NFKBIE: variants seen among roughly 807,000 people sequenced by gnomAD.
The protein encoded by NFKBIE is NFKB inhibitor epsilon, also known as NF-kappa-B inhibitor epsilon.
A neutral mutation model predicts 31.6 loss-of-function variants in NFKBIE; 11 were observed. The ratio of observed to expected loss-of-function variants is 0.35; its 90% CI spans 0.22 to 0.58. The LOEUF (loss-of-function observed/expected upper bound fraction) is 0.58, where lower values mean the gene tolerates loss of function less well. Ranked by LOEUF, NFKBIE falls within the 20% of genes least tolerant of loss-of-function variation. The probability of loss-of-function intolerance (pLI) is 0.83; values close to 1 mark genes in which losing one functional copy is unlikely to be tolerated. For synonymous variants in NFKBIE, 208 were observed against 210.1 expected (o/e 0.99, Z 0.09); for missense variants, 354 against 465.7 (o/e 0.76, Z 2.21).
chr6:44,258,177 G>C lies in NFKBIE; in HGVS notation c.*1042C>G, dbSNP rs1217239591. 2 of 152,260 alleles carry C rather than the reference G, an allele frequency of 1.3e-5. No homozygotes were observed. Among genetic ancestry groups the C allele is most frequent in the Non-Finnish European group, 2.9e-5 (2 of 68,080 alleles). 9.4% of individuals were successfully genotyped at this position (152,260 alleles called of 1,614,324 possible). ...ATAGCACCCACTGCAACTTGGAAAG[G>C]CATCTTTATTTGGATGTTTATGCTT... is the stretch of plus-strand genomic sequence containing the variant. On this transcript the variant is annotated 3_prime_UTR_variant, in exon 6 of 6. Coordinates refer to ENST00000619360, the MANE Select transcript of NFKBIE (RefSeq NM_004556.3).
At chr6:44,259,781 G>T (rs1452000808) in intron 5 of NFKBIE, among the ~76,000 whole-genome samples, 3 of 152,158 alleles carry the variant, frequency 2.0e-5, no homozygotes, top group African/African-American at 7.2e-5. Context: ...ATGGCTCTCT[G>T]GGTTCTTATA....
At position 44,265,472 on chromosome 6, in the gene NFKBIE, C is replaced by A; in HGVS notation, c.-126G>T. 1.3e-6 allele frequency: 2 copies of A among 1,519,900 alleles called. No individual in the cohort carries two copies. The highest frequency in any genetic ancestry group is 2.6e-5 in the East Asian group (1 of 38,710). 94.2% of individuals were successfully genotyped at this position (1,519,900 alleles called of 1,614,324 possible). On this transcript the variant is annotated 5_prime_UTR_variant, in exon 1 of 6. Coordinates refer to ENST00000619360, the MANE Select transcript of NFKBIE (RefSeq NM_004556.3). ...CGCCCGGCCCGCGGCGGCCTCCTTC[C>A]CGGGCTGTGGGGCTCCGAGGGGCCG...
Position 44,260,294 on chromosome 6 carries a change from T to A in NFKBIE, c.781-12A>T. 1 of 1,606,916 alleles carries A rather than the reference T, an allele frequency of 6.2e-7. No individual in the cohort carries two copies. The highest frequency in any genetic ancestry group is 1.1e-5 in the South Asian group (1 of 90,958). On this transcript the variant is annotated splice_polypyrimidine_tract_variant and intron_variant, in intron 4 of 5. Coordinates refer to ENST00000619360, the MANE Select transcript of NFKBIE (RefSeq NM_004556.3). This position sits in a 1 kb window ranked among gnomAD's most constrained non-coding sequence, Gnocchi z 5.5. ...CCACTGGTGCCCTCCTGGGGAGGAA[T>A]AAGGATGTCAGCCAAGGCCCTCAGA...
rs1781995293 is a variant in NFKBIE at position 44,263,408 on chromosome 6, G to A, written c.366-746C>T. On this transcript the variant is annotated intron_variant, in intron 1 of 5. Coordinates refer to ENST00000619360, the MANE Select transcript of NFKBIE (RefSeq NM_004556.3). The surrounding 1 kb of genome is among the most constrained non-coding windows in gnomAD (Gnocchi z 5.0). ...TTTCCCCACGTCAGGTGGGGAAAAC[G>A]AAAGCCAGTGATGGAGGGTCTAGGC... 6.6e-6 allele frequency among the ~76,000 whole-genome samples: 1 copy of A among 152,048 alleles called. No homozygotes were observed. The highest frequency in any genetic ancestry group is 2.4e-5 in the African/African-American group (1 of 41,378).
rs776545801 is a variant in NFKBIE at position 44,265,179 on chromosome 6, C to T, written c.168G>A (p.Lys56=). The change falls in exon 1 of 6, where the codon AAG becomes AAA. Residue 56 remains lysine, a synonymous_variant. Transcript: ENST00000619360. The stretch of plus-strand genomic sequence containing the variant: ...CCGCGTCTTCCTTCTCCTGTGGTTC[C>T]TTGACGGGTCCCGGAGGATGGGTGC... ...QPCTHPPGPV[K]EPQEKEDADG... The T allele has an allele frequency of 2.8e-5, 43 of 1,551,660 alleles. No homozygotes were observed. In the Middle Eastern group the frequency reaches 6.7e-4, roughly 24 times the overall value.
chr6:44,265,068 C>T lies in NFKBIE; in HGVS notation c.279G>A (p.Pro93=), dbSNP rs1782070449. 3.2e-6 allele frequency: 5 copies of T among 1,568,092 alleles called. No individual in the cohort carries two copies. The highest frequency in any genetic ancestry group is 1.2e-5 in the South Asian group (1 of 85,448). ...SLLGGPEAED[P]APRLPLPHVG... ...CGTGGGGGAGTGGCAGGCGTGGGGC[C>T]GGGTCCTCAGCCTCGGGGCCCCCCA... is the stretch of plus-strand genomic sequence containing the variant. The change falls in exon 1 of 6, where the codon CCG becomes CCA. Residue 93 remains proline (P), a synonymous_variant. Coordinates refer to ENST00000619360, the MANE Select transcript of NFKBIE (RefSeq NM_004556.3).
chr6:44,258,981 T>G lies in NFKBIE; in HGVS notation c.*238A>C. 1 of 392,474 alleles carries G rather than the reference T, an allele frequency of 2.5e-6. No individual in the cohort carries two copies. 24.3% of individuals were successfully genotyped at this position (392,474 alleles called of 1,614,324 possible). Reference sequence around the variant, plus strand: ...AGGCTTCACCCAGGATACCTGGGGCTTTGGGGGTCTTCCAAGAAGCCCTGT... The same window carrying G: ...AGGCTTCACCCAGGATACCTGGGGCGTTGGGGGTCTTCCAAGAAGCCCTGT... On this transcript the variant is annotated 3_prime_UTR_variant, in exon 6 of 6. Transcript: ENST00000619360.
Position 44,263,207 on chromosome 6 carries a change from C to G in NFKBIE, c.366-545G>C, listed in dbSNP as rs1007898345. 3.3e-5 allele frequency among the ~76,000 whole-genome samples: 5 copies of G among 152,214 alleles called. No homozygotes were observed. Among genetic ancestry groups the G allele is most frequent in the African/African-American group, 1.2e-4 (5 of 41,452 alleles). On this transcript the variant is annotated intron_variant, in intron 1 of 5. Coordinates refer to ENST00000619360, the MANE Select transcript of NFKBIE (RefSeq NM_004556.3). The surrounding 1 kb of genome is among the most constrained non-coding windows in gnomAD (Gnocchi z 5.0). Reference sequence around the variant, plus strand: ...TGTCCTGCTGCCCTTCCCTGGGAGTCAAGAGGCACCTCTCAGATAGCACAG... The same window carrying G: ...TGTCCTGCTGCCCTTCCCTGGGAGTGAAGAGGCACCTCTCAGATAGCACAG...
rs975001457 is a variant in NFKBIE at position 44,261,202 on chromosome 6, A to G, written c.691+424T>C. Reference sequence around the variant, plus strand: ...TTCCTCTCACTCTGCTCTGCTTTTTACTACAGCACTTACTTCCTTTTAACA... The same window carrying G: ...TTCCTCTCACTCTGCTCTGCTTTTTGCTACAGCACTTACTTCCTTTTAACA... On this transcript the variant is annotated intron_variant, in intron 3 of 5. Coordinates refer to ENST00000619360, the MANE Select transcript of NFKBIE (RefSeq NM_004556.3). This position sits in a 1 kb window ranked among gnomAD's most constrained non-coding sequence, Gnocchi z 4.3. 5.3e-5 allele frequency among the ~76,000 whole-genome samples: 8 copies of G among 152,236 alleles called. No homozygotes were observed. Among genetic ancestry groups the G allele is most frequent in the South Asian group, 4.1e-4 (2 of 4,826 alleles).
intron 1 of NFKBIE, 112 bp from the exon 2 acceptor site, chr6:44,262,774 G>A (rs1357972002): frequency 1.3e-5 from 10 of 752,588 alleles, no homozygotes; most frequent in Non-Finnish European, 2.0e-5. Context: ...CCATAGGGTA[G>A]GTCCAGGAAG....
At position 44,259,282 on chromosome 6, in the gene NFKBIE, G is replaced by A; in HGVS notation, c.1023C>T (p.Ser341=). ...DETPQDLTEE[S]LVLLPFDDLK... is the part of the protein sequence containing the mutation. ...GGTCATCAAAGGGCAAAAGGACAAGGGACTGAGAAGGAGAATGGAGAGAAG... is the reference window on the plus strand; with the variant it reads ...GGTCATCAAAGGGCAAAAGGACAAGAGACTGAGAAGGAGAATGGAGAGAAG... The change falls in exon 6 of 6, where the codon TCC becomes TCT. Residue 341 remains serine, a splice_region_variant and synonymous_variant. Transcript: ENST00000619360. The A allele has an allele frequency of 1.2e-6, 2 of 1,611,216 alleles. No homozygotes were observed. Among genetic ancestry groups the A allele is most frequent in the Non-Finnish European group, 1.7e-6 (2 of 1,177,576 alleles).
rs770506005 is a variant in NFKBIE at position 44,260,476 on chromosome 6, C to T, written c.755G>A (p.Arg252Gln). 20 of 1,614,126 alleles carry T rather than the reference C, an allele frequency of 1.2e-5. No individual in the cohort carries two copies. Among genetic ancestry groups the T allele is most frequent in the South Asian group, 6.6e-5 (6 of 91,084 alleles). Residue 252 changes from arginine (R) to glutamine (Q), a missense_variant, in exon 4 of 6, where the codon CGG becomes CAG. Physicochemically the swap from Arg to Gln is conservative, Grantham distance 43 (BLOSUM62 1). Transcript: ENST00000619360. The surrounding 1 kb of genome is among the most constrained non-coding windows in gnomAD (Gnocchi z 5.5). Reference sequence around the variant, plus strand: ...CTGCACATCAATGTCAGCTCCATTCCGAAGCAGCAATTCCATGAGTGGTTG... The same window carrying T: ...CTGCACATCAATGTCAGCTCCATTCTGAAGCAGCAATTCCATGAGTGGTTG... ...KNQPLMELLL[R>Q]NGADIDVQEG...
chr6:44,261,818 G>A lies in NFKBIE; in HGVS notation c.499C>T (p.Gln167Ter), dbSNP rs774276499. ...ACCAGTGCCCGAACTGCGCCCGGTT[G>A]GTCCAGATGTACAGCCAGATGGAGT... ...TALHLAVHLD[Q>*]PGAVRALVLK... is the part of the protein sequence containing the mutation. Residue 167 changes from glutamine (Q) to a stop codon, truncating the protein, a stop_gained, in exon 3 of 6, where the codon CAA (glutamine) becomes TAA (stop). Coordinates refer to ENST00000619360, the MANE Select transcript of NFKBIE (RefSeq NM_004556.3). LOFTEE classifies it high-confidence loss of function. This position sits in a 1 kb window ranked among gnomAD's most constrained non-coding sequence, Gnocchi z 4.3. 1 of 1,612,054 alleles carries A rather than the reference G, an allele frequency of 6.2e-7. No homozygotes were observed. The highest frequency in any genetic ancestry group is 8.5e-7 in the Non-Finnish European group (1 of 1,179,960).
chr6:44,259,659 T>C (rs1781822602), intron 5 of NFKBIE, among the ~76,000 whole-genome samples: 1 of 152,126 alleles, frequency 6.6e-6, no homozygotes, highest in Non-Finnish European at 1.5e-5. Flanking sequence ...TAGGAAAGAC[T>C]GTACAGAAAA....
chr6:44,260,655 T>G lies in NFKBIE; in HGVS notation c.692-116A>C. 1.1e-6 allele frequency: 1 copy of G among 946,266 alleles called. No individual in the cohort carries two copies. The highest frequency in any genetic ancestry group is 1.7e-6 in the Non-Finnish European group (1 of 589,934). The allele number at this position is 946,266 out of a possible 1,614,324, so 58.6% of individuals were successfully genotyped here. A position where few individuals can be genotyped will look rare whatever the true frequency, so the allele number is the denominator to read the frequency against. ...GGACTCACAGCCCACTCAATGTCTCTAATCACAAGACTGTTAAAATGCAAA... is the reference window on the plus strand; with the variant it reads ...GGACTCACAGCCCACTCAATGTCTCGAATCACAAGACTGTTAAAATGCAAA... On this transcript the variant is annotated intron_variant, in intron 3 of 5. Transcript: ENST00000619360. This position sits in a 1 kb window ranked among gnomAD's most constrained non-coding sequence, Gnocchi z 5.5.
chr6:44,263,719 A>G lies in NFKBIE; in HGVS notation c.366-1057T>C, dbSNP rs888687633. ...ACCTCCCACAGCCCAGACACCTCCA[A>G]CAGAGGGAGGAAAGTGCCCCCTGCT... is the stretch of plus-strand genomic sequence containing the variant. On this transcript the variant is annotated intron_variant, in intron 1 of 5. Transcript: ENST00000619360. This position sits in a 1 kb window ranked among gnomAD's most constrained non-coding sequence, Gnocchi z 5.0. Among the ~76,000 whole-genome samples the G allele has an allele frequency of 1.3e-5, 2 of 151,904 alleles. No individual in the cohort carries two copies. The highest frequency in any genetic ancestry group is 2.9e-5 in the Non-Finnish European group (2 of 67,944).
intron 5 of NFKBIE, 125 bp downstream of exon 5, chr6:44,259,918 T>C: frequency 7.3e-7 from 1 of 1,373,952 alleles, no homozygotes; most frequent in Non-Finnish European, 9.7e-7. Context: ...TTCCCACAGT[T>C]GGTCAGTGGC....
chr6:44,258,867 G>GA lies in NFKBIE; in HGVS notation c.*351dup, dbSNP rs1368788633. The stretch of plus-strand genomic sequence containing the variant: ...CCTATTTCAGTCTCTTCTCACTCAG[G>GA]AGAGTCCATGCTTCCTACTGGTTGG... On this transcript the variant is annotated 3_prime_UTR_variant, in exon 6 of 6. Coordinates refer to ENST00000619360, the MANE Select transcript of NFKBIE (RefSeq NM_004556.3). The GA allele has an allele frequency of 1.8e-5, 4 of 218,390 alleles. No individual in the cohort carries two copies. The highest frequency in any genetic ancestry group is 8.9e-5 in the African/African-American group (4 of 44,758). The allele number at this position is 218,390 out of a possible 1,614,324, so 13.5% of individuals were successfully genotyped here.
Position 44,265,428 on chromosome 6 carries a change from G to T in NFKBIE, c.-82C>A, listed in dbSNP as rs757340891. The T allele has an allele frequency of 1.3e-6, 2 of 1,539,370 alleles. No homozygotes were observed. The stretch of plus-strand genomic sequence containing the variant: ...GCCGCGCCGCCTTTCCGGGTTGCGG[G>T]TCCGCTTGGCAGAGCGGGCGCCCGG... On this transcript the variant is annotated 5_prime_UTR_variant, in exon 1 of 6. Transcript: ENST00000619360.
Sources: allele counts gnomAD v4.1 joint callset (sites outside exome capture counted in the v4.1 genomes callset), GRCh38; gene constraint gnomAD v4.1.1; non-coding constraint Gnocchi (gnomAD v3.1); transcripts MANE v1.5; gene names NCBI Gene and HGNC (gene_info 2026-07-23, HGNC 2026-07-21).